The following EPB41L4B variants were observed in gnomAD, a reference collection of about 807,000 sequenced individuals.
The protein encoded by EPB41L4B is erythrocyte membrane protein band 4.1 like 4B.
EPB41L4B carries 30 observed loss-of-function variants against 112.5 expected under a neutral mutation model. The ratio of observed to expected loss-of-function variants is 0.27; its 90% confidence interval spans 0.20 to 0.36. The LOEUF (loss-of-function observed/expected upper bound fraction) is 0.36, where lower values mean the gene tolerates loss of function less well. Among genes scored for constraint, EPB41L4B ranks in the 10% least tolerant of loss-of-function variants. The probability of loss-of-function intolerance (pLI) is 1.00; values close to 1 mark genes in which losing one functional copy is unlikely to be tolerated. For synonymous variants in EPB41L4B, 408 were observed against 439.7 expected (o/e 0.93, Z 0.90); for missense variants, 1,024 against 1,133.3 (o/e 0.90, Z 1.38).
chr9:109,261,143 A>G (rs934521803), intron 6 of EPB41L4B, among the ~76,000 whole-genome samples: 4 of 152,216 alleles, frequency 2.6e-5, no homozygotes, highest in Non-Finnish European at 5.9e-5. Flanking sequence ...GGCCACGGCC[A>G]TGTTCTCCAA....
chr9:109,300,970 A>T (rs915131007), intron 1 of EPB41L4B: 1 of 152,182 alleles, frequency 6.6e-6, no homozygotes, highest in Non-Finnish European at 1.5e-5. Context: ...ATCACTCAAG[A>T]ACTAACAAAA....
chr9:109,256,020 G>T, intron 9 of EPB41L4B, 116 bp downstream of exon 9: 1 of 1,143,768 alleles, frequency 8.7e-7, no homozygotes, highest in Non-Finnish European at 1.3e-6. Context: ...CAGCAGCACC[G>T]TGTGCTCTGA....
intron 2 of EPB41L4B, among the ~76,000 whole-genome samples, chr9:109,275,707 GATGTTATTACACT>G (rs1413777400): frequency 6.6e-6 from 1 of 152,090 alleles, no homozygotes; most frequent in African/African-American, 2.4e-5. Context: ...CCATGAAACA[GATGTTATTACACT>G]ACCTCCACTT....
chr9:109,303,177 T>C (rs930615510), intron 1 of EPB41L4B, among the ~76,000 whole-genome samples: 1 of 151,736 alleles, frequency 6.6e-6, no homozygotes, highest in Non-Finnish European at 1.5e-5. Context: ...TTTTTCTCCA[T>C]ACTTAGAAAA....
rs1350150612 is a variant in EPB41L4B at position 109,207,976 on chromosome 9, T to C, written c.1826A>G (p.Lys609Arg). ...LLPSPVADHV[K>R]CNILKAQLEN... is the part of the protein sequence containing the mutation. ...CAACTGGGCTTTCAGAATGTTACAC[T>C]TCACATGATCCGCAACAGGGGAAGG... Residue 609 changes from lysine to arginine, a missense_variant, in exon 18 of 26, where the codon AAG (lysine) becomes AGG (arginine). Lys to Arg is a conservative substitution (Grantham distance 26, BLOSUM62 2). Transcript: ENST00000374566. 1.2e-6 allele frequency: 2 copies of C among 1,614,166 alleles called. No individual in the cohort carries two copies. The highest frequency in any genetic ancestry group is 2.2e-5 in the East Asian group (1 of 44,882).
chr9:109,215,818 T>C (rs919547208), intron 16 of EPB41L4B, among the ~76,000 whole-genome samples: 1 of 152,236 alleles, frequency 6.6e-6, no homozygotes, highest in African/African-American at 2.4e-5. Context: ...AAACTCATTC[T>C]ATCATATTGC....
chr9:109,320,069 A>C (rs1384370061), intron 1 of EPB41L4B, 72 bp downstream of exon 1: 1 of 1,246,286 alleles, frequency 8.0e-7, no homozygotes, highest in African/African-American at 1.6e-5. Context: ...CCCCCGATGC[A>C]AGCACTGGGG....
intron 2 of EPB41L4B, among the ~76,000 whole-genome samples, chr9:109,269,923 A>C (rs146501168): frequency 1.3e-5 from 2 of 152,320 alleles, no homozygotes; most frequent in Admixed American, 6.5e-5. Flanking sequence ...GGAAACACAA[A>C]AGCGAACAAC....
Position 109,293,143 on chromosome 9 carries a change from T to A in EPB41L4B, c.307-13222A>T, listed in dbSNP as rs10979809. Among the ~76,000 whole-genome samples the A allele has an allele frequency of 6.3e-3, 961 of 152,346 alleles. 24 individuals are homozygous for A. The East Asian group carries it at 0.094, about 15-fold the overall frequency. Reference sequence around the variant, plus strand: ...CCCATCATGACAAATGTGGTTGTTTTACAGCACTAAGCACTGGGGGAGTGT... The same window carrying A: ...CCCATCATGACAAATGTGGTTGTTTAACAGCACTAAGCACTGGGGGAGTGT... On this transcript the variant is annotated intron_variant, in intron 1 of 25. Transcript: ENST00000374566.
At chr9:109,183,572 T>C (rs1832143446) in intron 23 of EPB41L4B, among the ~76,000 whole-genome samples, 1 of 152,156 alleles carries the variant, frequency 6.6e-6, no homozygotes, top group African/African-American at 2.4e-5. Context: ...CTGGAGAACT[T>C]GGGAAATGGA....
Position 109,320,726 on chromosome 9 carries a change from C to A in EPB41L4B, c.-280G>T. 6.9e-6 allele frequency: 1 copy of A among 144,796 alleles called. No homozygotes were observed. Among genetic ancestry groups the A allele is most frequent in the South Asian group, 2.1e-4 (1 of 4,782 alleles). 9.0% of individuals were successfully genotyped at this position (144,796 alleles called of 1,614,324 possible). A position where few individuals can be genotyped will look rare whatever the true frequency, so the allele number is the denominator to read the frequency against. ...GCCGCCGCCGCCGCCGCGCGCTCTC[C>A]CGGGCCGGCGGCCTGCGCGGGCTGC... On this transcript the variant is annotated 5_prime_UTR_variant, in exon 1 of 26. Coordinates refer to ENST00000374566, the MANE Select transcript of EPB41L4B (RefSeq NM_019114.5).
chr9:109,203,558 T>A, intron 19 of EPB41L4B, 105 bp downstream of exon 19: 1 of 944,926 alleles, frequency 1.1e-6, no homozygotes, highest in South Asian at 1.6e-5. Flanking sequence ...TCTGTTTTAT[T>A]TGTCCTCTGA....
intron 1 of EPB41L4B, among the ~76,000 whole-genome samples, chr9:109,283,518 C>T (rs560495763): frequency 2.8e-4 from 43 of 152,076 alleles, no homozygotes; most frequent in African/African-American, 9.2e-4. Flanking sequence ...ACCACAGGGA[C>T]GCAGAACCAC....
chr9:109,311,777 G>A (rs751412670), intron 1 of EPB41L4B, among the ~76,000 whole-genome samples: 12 of 152,208 alleles, frequency 7.9e-5, no homozygotes, highest in African/African-American at 2.4e-4. Flanking sequence ...GGGCTGAGGG[G>A]AAGAGCACTG....
At chr9:109,313,253 A>G (rs948099208) in intron 1 of EPB41L4B, among the ~76,000 whole-genome samples, 15 of 152,236 alleles carry the variant, frequency 9.9e-5, no homozygotes, top group African/African-American at 3.6e-4. Context: ...ATGTAGTGTA[A>G]GGGCTCAGTA....
chr9:109,189,853 T>C (rs1024407015), intron 22 of EPB41L4B, among the ~76,000 whole-genome samples: 4 of 152,136 alleles, frequency 2.6e-5, no homozygotes, highest in Admixed American at 2.0e-4. Flanking sequence ...GGTCTTGAAC[T>C]CCTGACCTCA....
chr9:109,259,305 C>T (rs750723), intron 6 of EPB41L4B, among the ~76,000 whole-genome samples: 11,207 of 152,260 alleles, frequency 0.074, 465 homozygotes, highest in Middle Eastern at 0.13. Context: ...ATCAGAATCA[C>T]CTGGTGAGCT....
chr9:109,182,621 A>G, intron 24 of EPB41L4B, 108 bp downstream of exon 24: 1 of 794,962 alleles, frequency 1.3e-6, no homozygotes, highest in Non-Finnish European at 2.2e-6. Context: ...ACAGAGTTCA[A>G]CGGTGATCAA....
At chr9:109,207,527 C>T (rs1173905657) in intron 18 of EPB41L4B, among the ~76,000 whole-genome samples, 1 of 151,854 alleles carries the variant, frequency 6.6e-6, no homozygotes, top group Non-Finnish European at 1.5e-5. Flanking sequence ...AGCCATGATC[C>T]CACCACTGCA....
Sources: allele counts gnomAD v4.1 joint callset (sites outside exome capture counted in the v4.1 genomes callset), GRCh38; gene constraint gnomAD v4.1.1; transcripts MANE v1.5; gene names NCBI Gene and HGNC (gene_info 2026-07-23, HGNC 2026-07-21).